The following TCF12 variants were observed in gnomAD, a reference collection of about 807,000 sequenced individuals.
TCF12 encodes transcription factor 12.
A neutral mutation model predicts 86.0 loss-of-function variants in TCF12; 45 were observed. The observed-to-expected ratio is 0.52, with a 90% CI of 0.41 to 0.67. TCF12 has a LOEUF of 0.67. Ranked by LOEUF, TCF12 falls within the 30% of genes least tolerant of loss-of-function variation. The pLI, the probability that TCF12 is intolerant of heterozygous loss-of-function variation, is 0.00. For synonymous variants in TCF12, 330 were observed against 299.6 expected (o/e 1.10, Z -1.05); for missense variants, 881 against 859.9 (o/e 1.02, Z -0.31).
intron 4 of TCF12, among the ~76,000 whole-genome samples, chr15:57,070,937 G>A (rs990081215): frequency 2.6e-5 from 4 of 152,116 alleles, no homozygotes; most frequent in Admixed American, 2.0e-4. Flanking sequence ...GAGTCCAGTG[G>A]CATAAGAACA....
chr15:56,941,980 A>G (rs1035858364), intron 3 of TCF12, among the ~76,000 whole-genome samples: 2 of 152,112 alleles, frequency 1.3e-5, no homozygotes, highest in Non-Finnish European at 2.9e-5. Context: ...CAATCCTCAT[A>G]TGGTTTACCT....
At chr15:57,273,319 T>A (rs776561191) in intron 19 of TCF12, 57 bp downstream of exon 19, 455 of 1,528,190 alleles carry the variant, frequency 3.0e-4, no homozygotes, top group Non-Finnish European at 3.9e-4. Context: ...CAGACATTTC[T>A]GTTTACAGTT....
rs559238097 is a variant in TCF12 at position 56,968,114 on chromosome 15, G to A, written c.148+47016G>A. Among the ~76,000 whole-genome samples, 12 of 152,038 alleles carry A rather than the reference G, an allele frequency of 7.9e-5. No individual in the cohort carries two copies. In the South Asian group the frequency reaches 1.0e-3, roughly 13 times the overall value. ...TGGGATTACAGGCATGTGCCACAAC[G>A]CCTGGCTAATTTTTGTATTTTTAGT... On this transcript the variant is annotated intron_variant, in intron 3 of 20. Coordinates refer to ENST00000333725, the MANE Select transcript of TCF12 (RefSeq NM_207037.2).
chr15:57,170,769 ATTATATAT>A (rs2055402247), intron 6 of TCF12, among the ~76,000 whole-genome samples: 1 of 12,538 alleles, frequency 8.0e-5, no homozygotes, highest in Non-Finnish European at 1.4e-4. Flanking sequence ...TTATATATAT[ATTATATAT>A]AATATATATA....
intron 4 of TCF12, among the ~76,000 whole-genome samples, chr15:57,087,575 CTACTT>C (rs1179760718): frequency 5.9e-5 from 9 of 151,992 alleles, no homozygotes; most frequent in Admixed American, 1.3e-4. Context: ...AGTATGAAAT[CTACTT>C]TATAGACCAC....
chr15:57,200,544 T>C (rs2057489886), intron 8 of TCF12, among the ~76,000 whole-genome samples: 1 of 152,220 alleles, frequency 6.6e-6, no homozygotes, highest in Non-Finnish European at 1.5e-5. Flanking sequence ...ATTCAGGATT[T>C]CATCAGTTTC....
At chr15:57,176,212 T>C (rs2055899721) in intron 6 of TCF12, among the ~76,000 whole-genome samples, 2 of 152,174 alleles carry the variant, frequency 1.3e-5, no homozygotes, top group East Asian at 1.9e-4. Flanking sequence ...GAAAAAGAAA[T>C]AGAAGACCTT....
At chr15:56,983,496 C>T (rs1267246974) in intron 3 of TCF12, among the ~76,000 whole-genome samples, 1 of 152,066 alleles carries the variant, frequency 6.6e-6, no homozygotes, top group Non-Finnish European at 1.5e-5. Context: ...GCCTTGGAAT[C>T]CAAAATATTC....
chr15:57,169,715 T>G (rs1186773818), intron 6 of TCF12, among the ~76,000 whole-genome samples: 1 of 152,222 alleles, frequency 6.6e-6, no homozygotes, highest in African/African-American at 2.4e-5. Context: ...TATTGTAAGC[T>G]TTTTGAGACC....
chr15:57,054,453 G>A (rs758263234), intron 3 of TCF12, among the ~76,000 whole-genome samples: 9 of 152,280 alleles, frequency 5.9e-5, no homozygotes, highest in Non-Finnish European at 1.3e-4. Context: ...AAGTCCATTT[G>A]TAATGTTTTC....
chr15:56,934,748 A>G (rs2060392562), intron 3 of TCF12, among the ~76,000 whole-genome samples: 1 of 152,210 alleles, frequency 6.6e-6, no homozygotes, highest in African/African-American at 2.4e-5. Flanking sequence ...ATCCAAAGTA[A>G]GGAGACTACT....
chr15:57,237,365 G>A (rs902931572), intron 12 of TCF12, among the ~76,000 whole-genome samples: 6 of 152,150 alleles, frequency 3.9e-5, no homozygotes, highest in South Asian at 2.1e-4. Context: ...TCACAGTTCC[G>A]GGGTTGGGCT....
At chr15:57,280,487 A>G (rs1229950453) in intron 19 of TCF12, among the ~76,000 whole-genome samples, 10 of 152,344 alleles carry the variant, frequency 6.6e-5, no homozygotes, top group African/African-American at 2.2e-4. Context: ...TAAGTTTACC[A>G]TAATGAAGAT....
chr15:56,927,071 A>G (rs1380784263), intron 3 of TCF12, among the ~76,000 whole-genome samples: 7 of 152,108 alleles, frequency 4.6e-5, no homozygotes, highest in African/African-American at 2.4e-5. Context: ...TTAGAATTTG[A>G]GGGATTGGCT....
At chr15:57,189,780 A>G (rs2056884072) in intron 6 of TCF12, among the ~76,000 whole-genome samples, 1 of 152,238 alleles carries the variant, frequency 6.6e-6, no homozygotes, top group Non-Finnish European at 1.5e-5. Flanking sequence ...ATACTTGTAC[A>G]TGAATATACA....
chr15:57,243,531 A>C lies in TCF12; in HGVS notation c.1095A>C (p.Gly365=). 1 of 1,613,930 alleles carries C rather than the reference A, an allele frequency of 6.2e-7. No individual in the cohort carries two copies. The highest frequency in any genetic ancestry group is 1.7e-4 in the Middle Eastern group (1 of 6,048). The part of the protein sequence containing the change: ...SFPSNPSTPV[G]SPSPLTGTSQ... ...CGTCAAATCCATCAACACCAGTTGG[A>C]TCACCTTCACCTCTCACAGGTAGGC... is the stretch of plus-strand genomic sequence containing the variant. The change falls in exon 13 of 21, where the codon GGA becomes GGC. Residue 365 remains glycine (G), a synonymous_variant. Transcript: ENST00000333725.
intron 8 of TCF12, chr15:57,219,633 A>G (rs1275298987): frequency 1.3e-6 from 2 of 1,589,972 alleles, no homozygotes; most frequent in Non-Finnish European, 1.7e-6. Flanking sequence ...ACTTGTTTAA[A>G]GGAAAGCAGT....
At chr15:57,076,971 C>T (rs1383178144) in intron 4 of TCF12, among the ~76,000 whole-genome samples, 2 of 152,028 alleles carry the variant, frequency 1.3e-5, no homozygotes, top group African/African-American at 2.4e-5. Context: ...GCCATATATG[C>T]GAGGATCAAT....
At chr15:57,124,058 C>T (rs1440111850) in intron 5 of TCF12, among the ~76,000 whole-genome samples, 13 of 151,724 alleles carry the variant, frequency 8.6e-5, no homozygotes, top group African/African-American at 2.9e-4. Flanking sequence ...CAAGTGATCC[C>T]GCTACCTCAA....
Sources: gnomAD v4.1 joint callset for allele counts (sites outside exome capture counted in the v4.1 genomes callset) on GRCh38, gnomAD v4.1.1 for gene constraint, MANE v1.5 for transcripts, NCBI Gene and HGNC (gene_info 2026-07-23, HGNC 2026-07-21) for gene names.